PABPC4L: variants seen among roughly 807,000 people sequenced by gnomAD.
PABPC4L encodes polyadenylate-binding protein 4-like.
For missense variants in PABPC4L, 452 were observed against 451.4 expected (o/e 1.00, Z -0.01); for synonymous variants, 169 against 164.1 (o/e 1.03, Z -0.23).
At chr4:134,092,495 C>T in the PABPC4L span, among the ~76,000 whole-genome samples, 2 of 151,978 alleles carry the variant, frequency 1.3e-5, no homozygotes, top group African/African-American at 2.4e-5. Context: ...GGATACCAGA[C>T]AAGAACCCAG....
chr4:134,082,616 C>CA, the PABPC4L span, among the ~76,000 whole-genome samples: 1 of 151,816 alleles, frequency 6.6e-6, no homozygotes, highest in Admixed American at 6.6e-5. Flanking sequence ...CTAAGAAGAA[C>CA]AAAATAAGCA....
the PABPC4L span, among the ~76,000 whole-genome samples, chr4:134,129,415 T>C: frequency 6.6e-6 from 1 of 151,920 alleles, no homozygotes; most frequent in African/African-American, 2.4e-5. Context: ...AGATAGACCA[T>C]ATAATAGGCC....
At chr4:134,194,141 C>T (rs555633416), downstream of PABPC4L, among the ~76,000 whole-genome samples, 2 of 151,966 alleles carry the variant, frequency 1.3e-5, no homozygotes, top group African/African-American at 4.8e-5. Flanking sequence ...GTTATGTTGC[C>T]TGCCTTGGGG....
chr4:134,118,140 CT>C, the PABPC4L span, among the ~76,000 whole-genome samples: 4 of 151,798 alleles, frequency 2.6e-5, no homozygotes, highest in African/African-American at 4.8e-5. Context: ...TCCTTTGCCC[CT>C]GACTCAGTAG....
the PABPC4L span, among the ~76,000 whole-genome samples, chr4:134,185,093 T>C: frequency 3.3e-5 from 5 of 152,032 alleles, no homozygotes; most frequent in Non-Finnish European, 5.9e-5. Flanking sequence ...GTCTTTCTCA[T>C]TGTGTAACTT....
At chr4:134,146,644 G>A in the PABPC4L span, among the ~76,000 whole-genome samples, 1 of 152,078 alleles carries the variant, frequency 6.6e-6, no homozygotes, top group African/African-American at 2.4e-5. Flanking sequence ...GTAAGGCAGA[G>A]TAGAATTTTA....
At chr4:133,960,087 C>T in the PABPC4L span, among the ~76,000 whole-genome samples, 1 of 152,154 alleles carries the variant, frequency 6.6e-6, no homozygotes, top group South Asian at 2.1e-4. Context: ...CATTGCAGCT[C>T]TGACTCAGAT....
the PABPC4L span, among the ~76,000 whole-genome samples, chr4:134,112,743 G>T: frequency 6.2e-3 from 943 of 151,928 alleles, 5 homozygotes; most frequent in Non-Finnish European, 9.5e-3. Flanking sequence ...ACATATATTT[G>T]TAGGTGATTT....
At chr4:133,953,115 A>T in the PABPC4L span, among the ~76,000 whole-genome samples, 7 of 152,240 alleles carry the variant, frequency 4.6e-5, no homozygotes, top group African/African-American at 1.7e-4. Flanking sequence ...AAAATTCATA[A>T]AGGGGATCAC....
chr4:134,102,795 AT>A, the PABPC4L span, among the ~76,000 whole-genome samples: 1 of 151,546 alleles, frequency 6.6e-6, no homozygotes, highest in Non-Finnish European at 1.5e-5. Context: ...TTTGAACTTA[AT>A]AAATGTTATT....
At chr4:133,996,790 C>G in the PABPC4L span, among the ~76,000 whole-genome samples, 12 of 152,206 alleles carry the variant, frequency 7.9e-5, no homozygotes, top group East Asian at 2.3e-3. Flanking sequence ...GCAGCTACCC[C>G]CATAAGTACA....
chr4:134,043,902 A>ATG, the PABPC4L span, among the ~76,000 whole-genome samples: 3 of 147,988 alleles, frequency 2.0e-5, no homozygotes, highest in South Asian at 2.1e-4. Context: ...TGCTGTATAT[A>ATG]TATGTGTGTG....
chr4:134,025,337 T>G, the PABPC4L span, among the ~76,000 whole-genome samples: 1 of 145,708 alleles, frequency 6.9e-6, no homozygotes, highest in Admixed American at 6.9e-5. Flanking sequence ...AAAAGAGTGC[T>G]GTGCTGGGGT....
the PABPC4L span, among the ~76,000 whole-genome samples, chr4:134,188,598 G>A: frequency 6.6e-6 from 1 of 151,922 alleles, no homozygotes. Context: ...AGAAGTTGTT[G>A]TTTGTTGGTT....
chr4:134,125,794 T>C, the PABPC4L span, among the ~76,000 whole-genome samples: 2 of 151,914 alleles, frequency 1.3e-5, no homozygotes, highest in African/African-American at 4.8e-5. Flanking sequence ...AATCACAGAG[T>C]TTAAAATTAA....
chr4:134,085,968 CATT>C, the PABPC4L span, among the ~76,000 whole-genome samples: 1 of 152,068 alleles, frequency 6.6e-6, no homozygotes, highest in Admixed American at 6.6e-5. Flanking sequence ...CTATAAAACT[CATT>C]GTGAAAAATT....
chr4:134,017,102 A>G, the PABPC4L span, among the ~76,000 whole-genome samples: 47 of 152,224 alleles, frequency 3.1e-4, no homozygotes, highest in South Asian at 8.3e-4. Context: ...TTATTAGTCA[A>G]ATCAGCCAAG....
chr4:134,008,484 A>T, the PABPC4L span, among the ~76,000 whole-genome samples: 1 of 151,812 alleles, frequency 6.6e-6, no homozygotes, highest in South Asian at 2.1e-4. Context: ...ATAACTCAGA[A>T]GGTAAAACAT....
At chr4:134,031,477 C>A in the PABPC4L span, among the ~76,000 whole-genome samples, 2 of 151,894 alleles carry the variant, frequency 1.3e-5, no homozygotes, top group Admixed American at 6.6e-5. Flanking sequence ...GTAAAATAGA[C>A]ACATTTTTCT....
Sources: allele counts gnomAD v4.1 joint callset (sites outside exome capture counted in the v4.1 genomes callset), GRCh38; gene constraint gnomAD v4.1.1; transcripts MANE v1.5; gene names NCBI Gene and HGNC (gene_info 2026-07-23, HGNC 2026-07-21).